The following IL1RAPL2 variants were observed in gnomAD, a reference collection of about 807,000 sequenced individuals.
The protein encoded by IL1RAPL2 is interleukin 1 receptor accessory protein like 2.
In IL1RAPL2, 3 loss-of-function variants were observed where a neutral mutation model predicts 44.1. The observed-to-expected ratio is 0.07, with a 90% CI of 0.03 to 0.18. The LOEUF is 0.18. IL1RAPL2 is among the 10% of genes least tolerant of loss of function. The pLI, the probability that IL1RAPL2 is intolerant of heterozygous loss-of-function variation, is 1.00. For synonymous variants in IL1RAPL2, 181 were observed against 178.8 expected (o/e 1.01, Z -0.10); for missense variants, 391 against 496.4 (o/e 0.79, Z 2.02).
chrX:105,070,768 A>T (rs1428091927), intron 2 of IL1RAPL2, among the ~76,000 whole-genome samples: 3 of 110,065 alleles, frequency 2.7e-5, no homozygotes, highest in Non-Finnish European at 5.7e-5. Context: ...CCTTTTAAAC[A>T]ATATAAAAGT....
intron 2 of IL1RAPL2, among the ~76,000 whole-genome samples, chrX:105,081,499 A>G (rs1300432468): frequency 9.0e-6 from 1 of 111,707 alleles, no homozygotes; most frequent in Non-Finnish European, 1.9e-5. Context: ...TTACCTCAAC[A>G]ACCCCTTTGG....
intron 6 of IL1RAPL2, among the ~76,000 whole-genome samples, chrX:105,502,439 A>G (rs2036401935): frequency 8.9e-6 from 1 of 111,971 alleles, no homozygotes; most frequent in South Asian, 3.6e-4. Flanking sequence ...GGCCTAACTC[A>G]TACAGAATAG....
intron 4 of IL1RAPL2, among the ~76,000 whole-genome samples, chrX:105,243,605 A>ATT (rs1302757097): frequency 4.0e-4 from 39 of 97,379 alleles, no homozygotes; most frequent in African/African-American, 1.5e-3. Context: ...ATATATATAT[A>ATT]TTTTTTTTTT....
At chrX:104,889,683 C>T (rs1923361078) in intron 2 of IL1RAPL2, among the ~76,000 whole-genome samples, 1 of 111,713 alleles carries the variant, frequency 9.0e-6, no homozygotes, top group Non-Finnish European at 1.9e-5. Context: ...GCTACTGCTA[C>T]AGGAACCGGA....
chrX:104,860,472 C>T (rs371883442), intron 2 of IL1RAPL2, among the ~76,000 whole-genome samples: 1 of 111,727 alleles, frequency 9.0e-6, no homozygotes, highest in African/African-American at 3.2e-5. Flanking sequence ...ATGTGTGACA[C>T]AGTACACACC....
intron 6 of IL1RAPL2, among the ~76,000 whole-genome samples, chrX:105,694,209 G>A (rs768394663): frequency 8.1e-5 from 9 of 111,590 alleles, no homozygotes; most frequent in Admixed American, 1.9e-4. Context: ...TTCAGGGATA[G>A]GAAAATAGAA....
At chrX:105,589,119 G>T (rs1204670925) in intron 6 of IL1RAPL2, among the ~76,000 whole-genome samples, 1 of 111,732 alleles carries the variant, frequency 8.9e-6, no homozygotes, top group Non-Finnish European at 1.9e-5. Flanking sequence ...GTTTTGATTT[G>T]CATTTCTCTA....
intron 2 of IL1RAPL2, among the ~76,000 whole-genome samples, chrX:105,194,270 G>A (rs1001870706): frequency 4.5e-5 from 5 of 111,772 alleles, no homozygotes; most frequent in Non-Finnish European, 7.5e-5. Flanking sequence ...CTGGGTTAGA[G>A]TTCTCAACAT....
intron 6 of IL1RAPL2, among the ~76,000 whole-genome samples, chrX:105,663,857 A>AAAAAG (rs200737011): frequency 4.5e-5 from 5 of 111,915 alleles, no homozygotes; most frequent in Non-Finnish European, 9.4e-5. Context: ...GATTATTGTA[A>AAAAAG]AAAAGAAAAG....
chrX:105,484,909 T>C (rs1418196690), intron 6 of IL1RAPL2, among the ~76,000 whole-genome samples: 1 of 111,895 alleles, frequency 8.9e-6, no homozygotes, highest in East Asian at 2.8e-4. Context: ...AGTTGACTTA[T>C]GAGTGCTATT....
chrX:105,607,903 C>T (rs2037307482), intron 6 of IL1RAPL2, among the ~76,000 whole-genome samples: 2 of 110,125 alleles, frequency 1.8e-5, no homozygotes, highest in African/African-American at 6.6e-5. Context: ...TTACTGAAGG[C>T]TTTTGAGTAG....
intron 2 of IL1RAPL2, among the ~76,000 whole-genome samples, chrX:104,661,184 T>G (rs781227876): frequency 2.7e-5 from 3 of 111,375 alleles, no homozygotes; most frequent in African/African-American, 6.5e-5. Context: ...TCACTTACAG[T>G]CAAAGTGTTA....
chrX:105,004,272 A>C (rs994235310), intron 2 of IL1RAPL2, among the ~76,000 whole-genome samples: 2 of 110,708 alleles, frequency 1.8e-5, no homozygotes, highest in Non-Finnish European at 3.8e-5. Context: ...AGCAGTCTGA[A>C]GAGTGGGTTA....
chrX:105,009,454 A>G (rs1411391624), intron 2 of IL1RAPL2, among the ~76,000 whole-genome samples: 1 of 108,767 alleles, frequency 9.2e-6, no homozygotes, highest in Non-Finnish European at 1.9e-5. Context: ...TTGTAGGGAC[A>G]TGGATGAAGC....
At chrX:105,087,618 T>G (rs2147552593) in intron 2 of IL1RAPL2, among the ~76,000 whole-genome samples, 1 of 111,761 alleles carries the variant, frequency 8.9e-6, no homozygotes, top group African/African-American at 3.2e-5. Flanking sequence ...ATGCCTATGG[T>G]TTGTAATCAG....
intron 5 of IL1RAPL2, among the ~76,000 whole-genome samples, chrX:105,458,719 G>A (rs1304430796): frequency 9.0e-6 from 1 of 111,635 alleles, no homozygotes; most frequent in Non-Finnish European, 1.9e-5. Context: ...GTCACCCGAG[G>A]CATCTGTGAA....
chrX:104,702,452 A>G (rs1435019145), intron 2 of IL1RAPL2, among the ~76,000 whole-genome samples: 1 of 112,112 alleles, frequency 8.9e-6, no homozygotes, highest in Non-Finnish European at 1.9e-5. Flanking sequence ...ACAACAAAAA[A>G]CATAAAAAAA....
At chrX:105,593,056 C>G (rs1019522482) in intron 6 of IL1RAPL2, among the ~76,000 whole-genome samples, 4 of 112,030 alleles carry the variant, frequency 3.6e-5, no homozygotes, top group Admixed American at 2.8e-4. Context: ...CCTTCTCTTT[C>G]AGGGATGCCA....
At position 105,195,548 on chromosome X, in the gene IL1RAPL2, A is replaced by G; in HGVS notation, c.156A>G (p.Lys52=). Residue 52 remains lysine (K), a synonymous_variant, in exon 3 of 11, where the codon AAA becomes AAG. Coordinates refer to ENST00000372582, the MANE Select transcript of IL1RAPL2 (RefSeq NM_017416.2). ...MALAGEPVRV[K]CALFYSYIRT... is the part of the protein sequence containing the mutation. The stretch of plus-strand genomic sequence containing the variant: ...TGGCAGGTGAACCAGTCCGAGTGAA[A>G]TGTGCCCTTTTCTACAGTTATATTC... 8.3e-7 allele frequency: 1 copy of G among 1,211,491 alleles called. No homozygotes were observed. The highest frequency in any genetic ancestry group is 1.1e-6 in the Non-Finnish European group (1 of 895,028).
Sources: allele counts gnomAD v4.1 joint callset (sites outside exome capture counted in the v4.1 genomes callset), GRCh38; gene constraint gnomAD v4.1.1; transcripts MANE v1.5; gene names NCBI Gene and HGNC (gene_info 2026-07-23, HGNC 2026-07-21).